SLC16A9: variants seen among roughly 807,000 people sequenced by gnomAD.
SLC16A9 encodes the protein solute carrier family 16 member 9.
In SLC16A9, 26 loss-of-function variants were observed where a neutral mutation model predicts 44.3. The observed-to-expected ratio is 0.59, with a 90% CI of 0.43 to 0.81. The LOEUF (loss-of-function observed/expected upper bound fraction) is 0.81. SLC16A9 is among the 40% of genes least tolerant of loss of function. The pLI is 0.00. For missense variants in SLC16A9, 559 were observed against 595.8 expected (o/e 0.94, Z 0.64); for synonymous variants, 230 against 225.1 (o/e 1.02, Z -0.19).
rs569142264 is a variant in SLC16A9, at chr10:59,651,142, T to C, written c.*1630A>G. 2 of 152,312 alleles carry C rather than the reference T, an allele frequency of 1.3e-5. No individual in the cohort carries two copies. The highest frequency in any genetic ancestry group is 3.9e-4 in the East Asian group (2 of 5,182). The allele number at this position is 152,312 out of a possible 1,614,324, so 9.4% of individuals were successfully genotyped here. ...CATTATTAAGTAGAATGAACTGTTATGAAATTCTCCATATTCCAGGTTTAC... is the reference window on the plus strand; with the variant it reads ...CATTATTAAGTAGAATGAACTGTTACGAAATTCTCCATATTCCAGGTTTAC... On this transcript the variant is annotated 3_prime_UTR_variant, in exon 6 of 6. Transcript: ENST00000395348.
At chr10:59,697,839 A>T (rs1404913152) in intron 1 of SLC16A9, among the ~76,000 whole-genome samples, 1 of 151,468 alleles carries the variant, frequency 6.6e-6, no homozygotes, top group African/African-American at 2.4e-5. Flanking sequence ...GTTCTGGTCC[A>T]GTCTGTGCTA....
At chr10:59,670,845 C>CTA (rs1205451877) in intron 3 of SLC16A9, among the ~76,000 whole-genome samples, 4 of 152,052 alleles carry the variant, frequency 2.6e-5, no homozygotes, top group African/African-American at 9.7e-5. Flanking sequence ...TCCATGAGCC[C>CTA]TATACTATGA....
chr10:59,652,837 A>C lies in SLC16A9; in HGVS notation c.1465T>G (p.Cys489Gly). 6.2e-7 allele frequency: 1 copy of C among 1,614,026 alleles called. No individual in the cohort carries two copies. The highest frequency in any genetic ancestry group is 8.5e-7 in the Non-Finnish European group (1 of 1,179,934). ...LLAALPSWDT[C>G]NKQLPKPAPT... ...GCTGGCTTGGGGAGTTGCTTGTTGCATGTATCCCAAGAGGGCAAGGCTGCC... is the reference window on the plus strand; with the variant it reads ...GCTGGCTTGGGGAGTTGCTTGTTGCCTGTATCCCAAGAGGGCAAGGCTGCC... The change falls in exon 6 of 6, where the codon TGC becomes GGC. Residue 489 changes from cysteine to glycine, a missense_variant. Cys to Gly is a radical substitution (Grantham distance 159, BLOSUM62 -3). Coordinates refer to ENST00000395348, the MANE Select transcript of SLC16A9 (RefSeq NM_194298.3).
intron 3 of SLC16A9, 39 bp downstream of exon 3, chr10:59,672,731 C>T (rs1588973049): frequency 1.3e-6 from 2 of 1,586,910 alleles, no homozygotes; most frequent in Non-Finnish European, 1.7e-6. Flanking sequence ...ATGTGTATCT[C>T]TTGAAGGTTA....
intron 3 of SLC16A9, among the ~76,000 whole-genome samples, chr10:59,667,207 G>A (rs1035892125): frequency 2.0e-5 from 3 of 152,066 alleles, no homozygotes; most frequent in Non-Finnish European, 4.4e-5. Context: ...TTAATCCTTA[G>A]GAAACTATCA....
chr10:59,707,780 C>A (rs1840678240), intron 1 of SLC16A9, among the ~76,000 whole-genome samples: 1 of 152,074 alleles, frequency 6.6e-6, no homozygotes, highest in South Asian at 2.1e-4. Context: ...GAAAATGTGA[C>A]CACATCTCTG....
chr10:59,665,780 G>C (rs1839600892), intron 3 of SLC16A9, among the ~76,000 whole-genome samples: 1 of 152,054 alleles, frequency 6.6e-6, no homozygotes, highest in Non-Finnish European at 1.5e-5. Flanking sequence ...TTCGTTGTCA[G>C]AGCTGTGTCA....
intron 1 of SLC16A9, chr10:59,708,714 A>G (rs1030756698): frequency 1.3e-5 from 2 of 152,364 alleles, no homozygotes; most frequent in African/African-American, 4.8e-5. Context: ...TGCTTTTGAC[A>G]GCCAAGTTTG....
chr10:59,704,761 C>T (rs1202253972), intron 1 of SLC16A9, among the ~76,000 whole-genome samples: 1 of 152,204 alleles, frequency 6.6e-6, no homozygotes, highest in African/African-American at 2.4e-5. Flanking sequence ...AGAGCTTGGC[C>T]TGAGAATAGT....
At chr10:59,661,203 G>T (rs1481122115) in intron 4 of SLC16A9, among the ~76,000 whole-genome samples, 1 of 152,164 alleles carries the variant, frequency 6.6e-6, no homozygotes, top group African/African-American at 2.4e-5. Context: ...AGGAAGAGAG[G>T]AAATCAAATT....
At chr10:59,677,804 A>C (rs1200690743) in intron 2 of SLC16A9, among the ~76,000 whole-genome samples, 1 of 152,138 alleles carries the variant, frequency 6.6e-6, no homozygotes, top group Non-Finnish European at 1.5e-5. Flanking sequence ...TAGTTTTGGG[A>C]ATGAAATTAT....
chr10:59,706,618 G>GA (rs1283877637), intron 1 of SLC16A9, among the ~76,000 whole-genome samples: 1 of 58,120 alleles, frequency 1.7e-5, no homozygotes, highest in East Asian at 6.9e-4. Flanking sequence ...ATGAATGGAT[G>GA]AAGAAATGTG....
chr10:59,709,677 C>T lies in SLC16A9; in HGVS notation c.-235G>A, dbSNP rs912137940. On this transcript the variant is annotated 5_prime_UTR_variant, in exon 1 of 6. Coordinates refer to ENST00000395348, the MANE Select transcript of SLC16A9 (RefSeq NM_194298.3). ...GGCAATCGGTCCCGCTACGCGCTGC[C>T]CCGGGAGCCGCCGCCCTCTGCCCCC... is the stretch of plus-strand genomic sequence containing the variant. 2.0e-5 allele frequency: 3 copies of T among 152,266 alleles called. 1 individual carries two copies. Among genetic ancestry groups the T allele is most frequent in the Non-Finnish European group, 4.4e-5 (3 of 68,166 alleles). The allele number at this position is 152,266 out of a possible 1,614,324, so 9.4% of individuals were successfully genotyped here.
intron 1 of SLC16A9, among the ~76,000 whole-genome samples, chr10:59,703,715 T>A (rs1388810914): frequency 6.6e-6 from 1 of 150,416 alleles, no homozygotes. Flanking sequence ...AATTGCTGAT[T>A]TTTTTTTTTC....
intron 4 of SLC16A9, among the ~76,000 whole-genome samples, chr10:59,663,510 G>A (rs898134791): frequency 3.3e-5 from 5 of 151,986 alleles, no homozygotes; most frequent in South Asian, 4.2e-4. Context: ...ACACAGGAAC[G>A]GAAAACCAAA....
At position 59,672,371 on chromosome 10, in the gene SLC16A9, T is replaced by C. The variant is rs1447038777; in HGVS notation, c.340+399A>G. On this transcript the variant is annotated intron_variant, in intron 3 of 5. Coordinates refer to ENST00000395348, the MANE Select transcript of SLC16A9 (RefSeq NM_194298.3). Reference sequence around the variant, plus strand: ...GATGCTATGGAATGCAAACAGCTGTTTGTGAACACAAACAGCTTCAAAGAA... The same window carrying C: ...GATGCTATGGAATGCAAACAGCTGTCTGTGAACACAAACAGCTTCAAAGAA... Among the ~76,000 whole-genome samples the C allele has an allele frequency of 3.9e-5, 6 of 152,292 alleles. No homozygotes were observed. In the East Asian group the frequency reaches 1.2e-3, roughly 29 times the overall value.
chr10:59,654,609 TG>T lies in SLC16A9; in HGVS notation c.437-21del. ...TTGAACCTAAAAAGGGAATGGGAAC[TG>T]TTCAACCTCGTAATCTGAGGCTCTC... On this transcript the variant is annotated intron_variant, in intron 4 of 5. Transcript: ENST00000395348. The T allele has an allele frequency of 6.6e-7, 1 of 1,522,184 alleles. No individual in the cohort carries two copies. The highest frequency in any genetic ancestry group is 8.8e-7 in the Non-Finnish European group (1 of 1,142,728). The allele number at this position is 1,522,184 out of a possible 1,614,324, so 94.3% of individuals were successfully genotyped here.
At position 59,709,642 on chromosome 10, in the gene SLC16A9, C is replaced by A. The variant is rs1000266709; in HGVS notation, c.-200G>T. 1 of 150,566 alleles carries A rather than the reference C, an allele frequency of 6.6e-6. No individual in the cohort carries two copies. Among genetic ancestry groups the A allele is most frequent in the Non-Finnish European group, 1.5e-5 (1 of 67,736 alleles). The allele number at this position is 150,566 out of a possible 1,614,324, so 9.3% of individuals were successfully genotyped here. On this transcript the variant is annotated 5_prime_UTR_variant, in exon 1 of 6. Transcript: ENST00000395348. ...AGCCAGCTGCGGCCCCGGCCCCTGCCGGAGTATTAGGCAATCGGTCCCGCT... is the reference window on the plus strand; with the variant it reads ...AGCCAGCTGCGGCCCCGGCCCCTGCAGGAGTATTAGGCAATCGGTCCCGCT...
chr10:59,694,270 C>A (rs750642433), intron 1 of SLC16A9, among the ~76,000 whole-genome samples: 1 of 152,036 alleles, frequency 6.6e-6, no homozygotes, highest in Non-Finnish European at 1.5e-5. Context: ...AACTGTAAAT[C>A]CAGTTGTGGT....
Sources: allele counts gnomAD v4.1 joint callset (sites outside exome capture counted in the v4.1 genomes callset), GRCh38; gene constraint gnomAD v4.1.1; transcripts MANE v1.5; gene names NCBI Gene and HGNC (gene_info 2026-07-23, HGNC 2026-07-21).